NAGA: variants seen among roughly 807,000 people sequenced by gnomAD.
The protein encoded by NAGA is alpha-N-acetylgalactosaminidase, also known as Acetylgalactosaminidase, alpha-N- (alpha-galactosidase B).
Under a neutral mutation model 45.6 loss-of-function variants are expected in NAGA, and 42 were observed. The ratio of observed to expected loss-of-function variants is 0.92; its 90% CI spans 0.72 to 1.19. NAGA has a LOEUF of 1.19. Among genes scored for constraint, NAGA ranks in the 50% most tolerant of loss-of-function variants. The pLI is 0.00. For missense variants in NAGA, 493 were observed against 544.8 expected, an observed-to-expected ratio of 0.90 and a Z score of 0.95; for synonymous variants, 176 against 203.1, an observed-to-expected ratio of 0.87 and a Z score of 1.13.
In NAGA at chr22:42,067,750, T is replaced by G; in HGVS notation, c.324+15A>C. ...CTAGCCCTGAGGCCAAGGGCAGGGC[T>G]GGGGTGCGGCTCACGTAGTCAGCCA... On this transcript the variant is annotated intron_variant, in intron 3 of 8. Coordinates refer to ENST00000396398, the MANE Select transcript of NAGA (RefSeq NM_000262.3). The G allele has an allele frequency of 6.2e-7, 1 of 1,610,552 alleles. No individual in the cohort carries two copies. Among genetic ancestry groups the G allele is most frequent in the Non-Finnish European group, 8.5e-7 (1 of 1,179,386 alleles).
intron 7 of NAGA, 87 bp downstream of exon 7, chr22:42,062,740 G>A: frequency 6.8e-7 from 1 of 1,472,616 alleles, no homozygotes; most frequent in Non-Finnish European, 9.5e-7. Context: ...ACCTCGCCAG[G>A]TGTTGCCCCC....
intron 8 of NAGA, 126 bp from the exon 9 acceptor site, chr22:42,060,539 C>T (rs182986564): frequency 2.2e-6 from 3 of 1,350,780 alleles, no homozygotes; most frequent in African/African-American, 1.5e-5. Context: ...CCAGTATGCC[C>T]TACAGAAGTG....
At position 42,065,761 on chromosome 22, in the gene NAGA, C is replaced by G. The variant is rs771198325; in HGVS notation, c.736G>C (p.Gly246Arg). ...ACCATGTCAGGGTCATTCCAGTGCC[C>G]AGGGCCGGCCACTGGCTGCAGTATG... ...QDILQPVAGP[G>R]HWNDPDMLLI... is the part of the protein sequence containing the mutation. Residue 246 changes from glycine (G) to arginine (R), a missense_variant, in exon 6 of 9, where the codon GGG becomes CGG. Physicochemically the swap from Gly to Arg is moderately radical, Grantham distance 125. Transcript: ENST00000396398. 1.2e-6 allele frequency: 2 copies of G among 1,614,124 alleles called. No individual in the cohort carries two copies. Among genetic ancestry groups the G allele is most frequent in the Non-Finnish European group, 1.7e-6 (2 of 1,180,024 alleles).
chr22:42,066,029 C>A (rs530301044), intron 5 of NAGA, 130 bp from the exon 6 acceptor site: 5 of 1,239,762 alleles, frequency 4.0e-6, no homozygotes, highest in Non-Finnish European at 5.7e-6. Flanking sequence ...CAGGCCCCAC[C>A]GGCTTGCTCA....
At position 42,064,158 on chromosome 22, in the gene NAGA, C is replaced by G. The variant is rs1008481840; in HGVS notation, c.760-1134G>C. ...GAGTTCGAAACCAGCCTGACCAACA[C>G]GGAGAAACCCCATCTCTACCAAAAA... On this transcript the variant is annotated intron_variant, in intron 6 of 8. Transcript: ENST00000396398. Among the ~76,000 whole-genome samples the G allele has an allele frequency of 2.0e-5, 3 of 149,542 alleles. No homozygotes were observed. In the South Asian group the frequency reaches 6.3e-4, roughly 32 times the overall value.
At position 42,069,413 on chromosome 22, in the gene NAGA, A is replaced by C. The variant is rs546317277; in HGVS notation, c.17-839T>G. ...GCGGATCACCGTAAGTCAGGGGTTC[A>C]AGACCAGCTTGGGCAATATGGTGAA... On this transcript the variant is annotated intron_variant, in intron 1 of 8. Transcript: ENST00000396398. Among the ~76,000 whole-genome samples, 14 of 152,148 alleles carry C rather than the reference A, an allele frequency of 9.2e-5. 1 individual carries two copies. The highest frequency in any genetic ancestry group is 3.4e-4 in the African/African-American group (14 of 41,508).
At chr22:42,067,347 A>G in intron 3 of NAGA, 57 bp from the exon 4 acceptor site, 2 of 1,602,104 alleles carry the variant, frequency 1.2e-6, no homozygotes, top group Middle Eastern at 1.7e-4. Flanking sequence ...AGCCTCCTCA[A>G]GGCATATCTG....
chr22:42,063,008 A>C lies in NAGA; in HGVS notation c.776T>G (p.Phe259Cys), dbSNP rs1205121723. 1 of 1,614,162 alleles carries C rather than the reference A, an allele frequency of 6.2e-7. No homozygotes were observed. Among genetic ancestry groups the C allele is most frequent in the South Asian group, 1.1e-5 (1 of 91,084 alleles). ...CCGGGATTGCTCTAAGCTGAGACCA[A>C]AGTTCCCAATGAGCAGCTGGGGGCA... ...NDPDMLLIGNFGLSLEQSRAQ... is the reference protein window; with the variant it reads ...NDPDMLLIGNCGLSLEQSRAQ... Residue 259 changes from phenylalanine (F) to cysteine (C), a missense_variant, in exon 7 of 9, where the codon TTT (phenylalanine) becomes TGT (cysteine). Phe to Cys is a radical substitution (Grantham distance 205, BLOSUM62 -2). Transcript: ENST00000396398.
chr22:42,062,796 C>A (rs1018097778), intron 7 of NAGA, 31 bp downstream of exon 7: 2 of 1,608,440 alleles, frequency 1.2e-6, no homozygotes, highest in Non-Finnish European at 1.7e-6. Flanking sequence ...GTTCCTCAGC[C>A]CTCCCCTTCC....
In NAGA at chr22:42,058,488, T is replaced by A. The variant is rs1404050674; in HGVS notation, c.*1791A>T. The A allele has an allele frequency of 1.7e-4, 2 of 11,736 alleles. No homozygotes were observed. The highest frequency in any genetic ancestry group is 2.5e-4 in the Non-Finnish European group (2 of 7,998). 0.7% of individuals were successfully genotyped at this position (11,736 alleles called of 1,614,324 possible). ...GCGTCCAAACAAGTCTGTATTTAAC[T>A]GAAAAAAAAAAATAATTGCATTCCT... On this transcript the variant is annotated 3_prime_UTR_variant, in exon 9 of 9. Transcript: ENST00000396398.
At chr22:42,065,977 G>A (rs1257769362) in intron 5 of NAGA, 78 bp from the exon 6 acceptor site, 1 of 1,544,916 alleles carries the variant, frequency 6.5e-7, no homozygotes, top group Non-Finnish European at 8.8e-7. Context: ...GAGTTGAGGA[G>A]GCTCAGCAGG....
In NAGA at chr22:42,060,414, C is replaced by T; in HGVS notation, c.1102-1G>A. 6 of 1,612,888 alleles carry T rather than the reference C, an allele frequency of 3.7e-6. No homozygotes were observed. The highest frequency in any genetic ancestry group is 5.1e-6 in the Non-Finnish European group (6 of 1,180,008). ...TGTCACCTGAGTAGACGTCCTGGGC[C>T]TGCAGTGGGGAGGGACATCACCAAT... On this transcript the variant is annotated splice_acceptor_variant, in intron 8 of 8. Transcript: ENST00000396398. LOFTEE classifies it high-confidence loss of function.
In NAGA at chr22:42,061,061, A is replaced by T. The variant is rs1926354034; in HGVS notation, c.964T>A (p.Ser322Thr). The T allele has an allele frequency of 1.2e-6, 2 of 1,613,898 alleles. No individual in the cohort carries two copies. The highest frequency in any genetic ancestry group is 1.7e-6 in the Non-Finnish European group (2 of 1,179,958). ...GGCCGCATGTACACTTCGATGAGAGATTTTTCCTGGGCACAGAAGGTGGCT... is the reference window on the plus strand; with the variant it reads ...GGCCGCATGTACACTTCGATGAGAGTTTTTTCCTGGGCACAGAAGGTGGCT... ...IQGRRIHKEK[S>T]LIEVYMRPLS... Residue 322 changes from serine (S) to threonine (T), a missense_variant, in exon 8 of 9, where the codon TCT (serine) becomes ACT (threonine). By Grantham distance (58) the Ser-to-Thr change is moderately conservative. Coordinates refer to ENST00000396398, the MANE Select transcript of NAGA (RefSeq NM_000262.3).
intron 5 of NAGA, among the ~76,000 whole-genome samples, chr22:42,066,489 C>T (rs1322570175): frequency 2.0e-5 from 3 of 152,166 alleles, no homozygotes; most frequent in Non-Finnish European, 2.9e-5. Flanking sequence ...CTCTAAGGCC[C>T]GCCACTCCCT....
chr22:42,068,642 C>G, intron 1 of NAGA, 68 bp from the exon 2 acceptor site: 12 of 1,596,778 alleles, frequency 7.5e-6, no homozygotes, highest in Non-Finnish European at 1.0e-5. Flanking sequence ...TCATCCCACC[C>G]CATCTGTATG....
Position 42,060,409 on chromosome 22 carries a change from TG to T in NAGA, c.1105del (p.Gln369ArgfsTer20). ...GATGATGTCACCTGAGTAGACGTCC[TG>T]GGCCTGCAGTGGGGAGGGACATCAC... ...NFTGSVIYEA[Q>X]DVYSGDIISG... On this transcript the variant is annotated frameshift_variant, in exon 9 of 9. Coordinates refer to ENST00000396398, the MANE Select transcript of NAGA (RefSeq NM_000262.3). LOFTEE classifies it high-confidence loss of function. 1 of 1,613,026 alleles carries T rather than the reference TG, an allele frequency of 6.2e-7. No homozygotes were observed. Among genetic ancestry groups the T allele is most frequent in the Non-Finnish European group, 8.5e-7 (1 of 1,180,006 alleles).
intron 1 of NAGA, among the ~76,000 whole-genome samples, chr22:42,069,688 A>G (rs564591559): frequency 4.6e-5 from 7 of 152,186 alleles, no homozygotes; most frequent in Non-Finnish European, 1.0e-4. Flanking sequence ...CATCTAACAC[A>G]AAGCCTATTT....
chr22:42,068,057 G>A, intron 2 of NAGA, 121 bp from the exon 3 acceptor site: 1 of 976,510 alleles, frequency 1.0e-6, no homozygotes, highest in Non-Finnish European at 1.6e-6. Flanking sequence ...CCCTAAGCCA[G>A]GTATCAGTGT....
Position 42,059,974 on chromosome 22 carries a change from G to A in NAGA, c.*305C>T. On this transcript the variant is annotated 3_prime_UTR_variant, in exon 9 of 9. Coordinates refer to ENST00000396398, the MANE Select transcript of NAGA (RefSeq NM_000262.3). ...TTCAGAGTCAACAGCAAGGTCAGAG[G>A]CTAGAGTCCTGATGGGCATGGAGCT... 2.4e-6 allele frequency: 1 copy of A among 417,236 alleles called. No homozygotes were observed. Among genetic ancestry groups the A allele is most frequent in the Non-Finnish European group, 4.5e-6 (1 of 220,848 alleles). The allele number at this position is 417,236 out of a possible 1,614,324, so 25.8% of individuals were successfully genotyped here. A position where few individuals can be genotyped will look rare whatever the true frequency, so the allele number is the denominator to read the frequency against.
Sources: gnomAD v4.1 joint callset for allele counts (sites outside exome capture counted in the v4.1 genomes callset) on GRCh38, gnomAD v4.1.1 for gene constraint, MANE v1.5 for transcripts, NCBI Gene and HGNC (gene_info 2026-07-23, HGNC 2026-07-21) for gene names.